The following NOP53 variants were observed in gnomAD, a reference collection of about 807,000 sequenced individuals.
NOP53 encodes the protein ribosome biogenesis protein NOP53.
In NOP53, 40 loss-of-function variants were observed where a neutral mutation model predicts 61.0. That is an observed-to-expected ratio of 0.66 (90% CI 0.51 to 0.85). The LOEUF (loss-of-function observed/expected upper bound fraction) is 0.85, where lower values mean the gene tolerates loss of function less well. Among genes scored for constraint, NOP53 ranks in the 40% least tolerant of loss-of-function variants. The probability of loss-of-function intolerance (pLI) is 0.00; values close to 1 mark genes in which losing one functional copy is unlikely to be tolerated. For synonymous variants in NOP53, 308 were observed against 289.5 expected (o/e 1.06, Z -0.65); for missense variants, 689 against 652.9 (o/e 1.06, Z -0.60).
At chr19:47,750,417 C>T in intron 3 of NOP53, 131 bp downstream of exon 3, 2 of 639,196 alleles carry the variant, frequency 3.1e-6, no homozygotes, top group South Asian at 1.8e-5. Context: ...CTTCGGAGTG[C>T]AGATTAGAGG....
Position 47,751,506 on chromosome 19 carries a change from C to T in NOP53, c.599-14C>T, listed in dbSNP as rs751429514. ...CTGGGACTGTCCCAGCAGCTCCCCT[C>T]GCTGTATCCACAGACCCCCTGGACA... is the stretch of plus-strand genomic sequence containing the variant. On this transcript the variant is annotated splice_polypyrimidine_tract_variant and intron_variant, in intron 4 of 12. Transcript: ENST00000246802. 2.0e-5 allele frequency: 32 copies of T among 1,609,942 alleles called. No individual in the cohort carries two copies. In the Admixed American group the frequency reaches 3.5e-4, roughly 18 times the overall value.
chr19:47,751,046 G>A lies in NOP53; in HGVS notation c.537G>A (p.Arg179=), dbSNP rs1400204714. 1.0e-5 allele frequency: 16 copies of A among 1,607,522 alleles called. No individual in the cohort carries two copies. Among genetic ancestry groups the A allele is most frequent in the African/African-American group, 2.7e-5 (2 of 74,920 alleles). Residue 179 remains arginine (R), a synonymous_variant, in exon 4 of 13, where the codon AGG becomes AGA. Coordinates refer to ENST00000246802, the MANE Select transcript of NOP53 (RefSeq NM_015710.5). ...QARLLNPSAT[R]AKPGPQDTVE... Reference sequence around the variant, plus strand: ...GGCTCCTCAACCCTTCTGCAACAAGGGCCAAGCCCGGGCCCCAGGACACCG... The same window carrying A: ...GGCTCCTCAACCCTTCTGCAACAAGAGCCAAGCCCGGGCCCCAGGACACCG...
At chr19:47,748,988 C>T (rs1165606092) in intron 2 of NOP53, among the ~76,000 whole-genome samples, 2 of 151,998 alleles carry the variant, frequency 1.3e-5, no homozygotes, top group Admixed American at 6.6e-5. Context: ...ATGGAGAAAC[C>T]CCGTCTTTAC....
Position 47,748,531 on chromosome 19 carries a change from G to A in NOP53, c.289+1500G>A, listed in dbSNP as rs148979836. ...GTTTTAATGAAAATGAGCGGACCTG[G>A]TTCAGTGACCAGATAGAGTGGAAGG... On this transcript the variant is annotated intron_variant, in intron 2 of 12. Transcript: ENST00000246802. 3.8e-3 allele frequency among the ~76,000 whole-genome samples: 583 copies of A among 152,240 alleles called. 4 individuals carry two copies. Among genetic ancestry groups the A allele is most frequent in the Non-Finnish European group, 5.6e-3 (379 of 68,016 alleles).
At chr19:47,755,861 G>T in intron 10 of NOP53, 39 bp downstream of exon 10, 1 of 1,531,212 alleles carries the variant, frequency 6.5e-7, no homozygotes. Flanking sequence ...CGTGCCCAGT[G>T]ATGACACCAT....
At chr19:47,745,824 C>G (rs200015322) in intron 1 of NOP53, 41 bp downstream of exon 1, 2 of 1,228,768 alleles carry the variant, frequency 1.6e-6, no homozygotes, top group East Asian at 8.2e-5. Flanking sequence ...ACGGTTCCTG[C>G]GCCCAGGTGC....
In NOP53 at chr19:47,750,204, C is replaced by G; in HGVS notation, c.316C>G (p.Gln106Glu). The G allele has an allele frequency of 6.2e-7, 1 of 1,611,786 alleles. No homozygotes were observed. Among genetic ancestry groups the G allele is most frequent in the Non-Finnish European group, 8.5e-7 (1 of 1,177,926 alleles). ...GCTGACAAAGAAGAGAACCAAAGTC[C>G]AGAAGAAGTCACTGCTTCTCAAGAA... ...KGLTKKRTKVQKKSLLLKKPL... is the reference protein window; with the variant it reads ...KGLTKKRTKVEKKSLLLKKPL... The change falls in exon 3 of 13, where the codon CAG (glutamine) becomes GAG (glutamate). Residue 106 changes from glutamine to glutamate, a missense_variant. Coordinates refer to ENST00000246802, the MANE Select transcript of NOP53 (RefSeq NM_015710.5).
At position 47,754,715 on chromosome 19, in the gene NOP53, A is replaced by C; in HGVS notation, c.877A>C (p.Thr293Pro). The change falls in exon 8 of 13, where the codon ACA (threonine) becomes CCA (proline). Residue 293 changes from threonine (T) to proline (P), a missense_variant. By Grantham distance (38) the Thr-to-Pro change is conservative. Transcript: ENST00000246802. The surrounding 1 kb of genome is among the most constrained non-coding windows in gnomAD (Gnocchi z 4.2). ...ATEQAATQESTFQELCEGLLE... is the reference protein window; with the variant it reads ...ATEQAATQESPFQELCEGLLE... Reference sequence around the variant, plus strand: ...CTGCACCCCGCCTCCCCAGGAGTCCACATTCCAGGAGCTGTGCGAGGGGCT... The same window carrying C: ...CTGCACCCCGCCTCCCCAGGAGTCCCCATTCCAGGAGCTGTGCGAGGGGCT... The C allele has an allele frequency of 6.5e-7, 1 of 1,529,588 alleles. No individual in the cohort carries two copies. Among genetic ancestry groups the C allele is most frequent in the Non-Finnish European group, 8.8e-7 (1 of 1,133,968 alleles). The allele number at this position is 1,529,588 out of a possible 1,614,324, so 94.8% of individuals were successfully genotyped here. A position where few individuals can be genotyped will look rare whatever the true frequency, so the allele number is the denominator to read the frequency against.
Position 47,750,276 on chromosome 19 carries a change from G to A in NOP53, c.388G>A (p.Ala130Thr). The A allele has an allele frequency of 6.3e-7, 1 of 1,596,978 alleles. No individual in the cohort carries two copies. Residue 130 changes from alanine (A) to threonine (T), a missense_variant, in exon 3 of 13, where the codon GCC (alanine) becomes ACC (threonine). Coordinates refer to ENST00000246802, the MANE Select transcript of NOP53 (RefSeq NM_015710.5). ...CCTCGAGAACACATCCAAAGTCCCT[G>A]CCCCCAAAGAGTGAGTGTCCCAGCA... ...LILENTSKVP[A>T]PKDVLAHQVP...
chr19:47,750,653 C>T (rs533092577), intron 3 of NOP53, among the ~76,000 whole-genome samples: 148 of 152,038 alleles, frequency 9.7e-4, no homozygotes, highest in Non-Finnish European at 1.6e-3. Context: ...TTGGTTTTGA[C>T]GTGGTGGTGT....
chr19:47,748,068 C>T (rs1442358469), intron 2 of NOP53, among the ~76,000 whole-genome samples: 1 of 151,778 alleles, frequency 6.6e-6, no homozygotes, highest in Non-Finnish European at 1.5e-5. Context: ...GCATGAGCCA[C>T]CACGCCTGGT....
intron 4 of NOP53, 177 bp from the exon 5 acceptor site, chr19:47,751,343 G>A (rs946701334): frequency 1.6e-6 from 1 of 644,534 alleles, no homozygotes; most frequent in African/African-American, 1.8e-5. Context: ...TCCACTTTCT[G>A]AACCCGTCCA....
chr19:47,752,273 C>A (rs1010578983), intron 5 of NOP53, among the ~76,000 whole-genome samples: 1 of 152,102 alleles, frequency 6.6e-6, no homozygotes, highest in African/African-American at 2.4e-5. Flanking sequence ...AGCTGCTGGA[C>A]CCCAAGTGTT....
intron 10 of NOP53, 190 bp downstream of exon 10, chr19:47,756,012 G>C (rs1040658063): frequency 1.7e-6 from 1 of 595,696 alleles, no homozygotes; most frequent in African/African-American, 1.9e-5. Context: ...TAAGGTTTGA[G>C]TCCGGGACCC....
At chr19:47,748,577 G>A (rs967883814) in intron 2 of NOP53, among the ~76,000 whole-genome samples, 8 of 152,048 alleles carry the variant, frequency 5.3e-5, no homozygotes, top group Non-Finnish European at 1.2e-4. Flanking sequence ...AGGTACAGGA[G>A]ACTTCCAATA....
intron 10 of NOP53, chr19:47,756,117 C>G: frequency 1.9e-6 from 1 of 525,628 alleles, no homozygotes; most frequent in Non-Finnish European, 3.4e-6. Flanking sequence ...AACCCTGTCC[C>G]TCCCCTGCTC....
chr19:47,756,665 T>C (rs773844398), intron 11 of NOP53, 23 bp from the exon 12 acceptor site: 3 of 1,613,916 alleles, frequency 1.9e-6, no homozygotes, highest in East Asian at 2.2e-5. Context: ...CGGGCACTGA[T>C]TGCTCCATTG....
intron 6 of NOP53, 144 bp downstream of exon 6, chr19:47,752,751 A>G: frequency 1.6e-6 from 1 of 617,092 alleles, no homozygotes; most frequent in South Asian, 1.9e-5. Context: ...CCAGTGCAAG[A>G]GACCTGTTCC....
At chr19:47,756,064 G>A (rs1156942433) in intron 10 of NOP53, 5 of 574,448 alleles carry the variant, frequency 8.7e-6, no homozygotes, top group African/African-American at 1.9e-5. Flanking sequence ...TTGCAGTCCC[G>A]GTCACCTTTA....
Sources: gnomAD v4.1 joint callset for allele counts (sites outside exome capture counted in the v4.1 genomes callset) on GRCh38, gnomAD v4.1.1 for gene constraint, Gnocchi (gnomAD v3.1) non-coding constraint, MANE v1.5 for transcripts, NCBI Gene and HGNC (gene_info 2026-07-23, HGNC 2026-07-21) for gene names.